STXBP6: variants seen among roughly 807,000 people sequenced by gnomAD.
The protein encoded by STXBP6 is syntaxin binding protein 6, also known as syntaxin-binding protein 6.
Under a neutral mutation model 26.9 loss-of-function variants are expected in STXBP6, and 21 were observed. That is an observed-to-expected ratio of 0.78 (90% CI 0.55 to 1.12). The LOEUF (loss-of-function observed/expected upper bound fraction) is 1.12. STXBP6 is among the 50% of genes most tolerant of loss of function. STXBP6 has a pLI of 0.00. For missense variants in STXBP6, 232 were observed against 257.9 expected, an observed-to-expected ratio of 0.90 and a Z score of 0.69; for synonymous variants, 97 against 92.6, an observed-to-expected ratio of 1.05 and a Z score of -0.27.
intron 4 of STXBP6, among the ~76,000 whole-genome samples, chr14:24,828,857 AT>A (rs2068369036): frequency 6.6e-6 from 1 of 152,214 alleles, no homozygotes; most frequent in African/African-American, 2.4e-5. Context: ...CAAGAATGAC[AT>A]AGAGAATTAT....
At chr14:24,843,145 T>G (rs2068836775) in intron 4 of STXBP6, among the ~76,000 whole-genome samples, 1 of 152,180 alleles carries the variant, frequency 6.6e-6, no homozygotes, top group South Asian at 2.1e-4. Context: ...TGAGGCTCAG[T>G]TTCTTCGCCT....
At chr14:24,827,884 T>C (rs1320809662) in intron 4 of STXBP6, among the ~76,000 whole-genome samples, 2 of 152,200 alleles carry the variant, frequency 1.3e-5, no homozygotes, top group Non-Finnish European at 2.9e-5. Context: ...TGACAGATTA[T>C]AGAAAATCCT....
chr14:24,891,304 G>A (rs1038119574), intron 2 of STXBP6, among the ~76,000 whole-genome samples: 1 of 152,102 alleles, frequency 6.6e-6, no homozygotes, highest in Non-Finnish European at 1.5e-5. Flanking sequence ...AGTATATTGG[G>A]GGCTTGAGTC....
chr14:24,905,616 GA>G (rs2071360709), intron 2 of STXBP6, among the ~76,000 whole-genome samples: 1 of 152,162 alleles, frequency 6.6e-6, no homozygotes, highest in Non-Finnish European at 1.5e-5. Context: ...GCCAAAGGAG[GA>G]AGAGGACCAT....
intron 2 of STXBP6, among the ~76,000 whole-genome samples, chr14:24,901,697 C>T (rs2071217956): frequency 7.5e-6 from 1 of 132,458 alleles, no homozygotes; most frequent in Non-Finnish European, 1.7e-5. Context: ...GCTATACTAA[C>T]ACATGAAACA....
intron 2 of STXBP6, among the ~76,000 whole-genome samples, chr14:24,950,831 T>C (rs1006061115): frequency 2.6e-5 from 4 of 152,116 alleles, no homozygotes; most frequent in South Asian, 2.1e-4. Flanking sequence ...CCATGGTGGT[T>C]TGCTGCACCC....
At position 24,847,883 on chromosome 14, in the gene STXBP6, A is replaced by G. The variant is rs142673963; in HGVS notation, c.451+8053T>C. Among the ~76,000 whole-genome samples, 99 of 152,264 alleles carry G rather than the reference A, an allele frequency of 6.5e-4. 1 individual carries two copies. The highest frequency in any genetic ancestry group is 1.3e-3 in the Non-Finnish European group (88 of 67,996). Reference sequence around the variant, plus strand: ...TGGTTAAGTCAGCAGTAACATGTGCACTCTATAAATGTCAAACATAAAATG... The same window carrying G: ...TGGTTAAGTCAGCAGTAACATGTGCGCTCTATAAATGTCAAACATAAAATG... On this transcript the variant is annotated intron_variant, in intron 4 of 5. Transcript: ENST00000323944.
chr14:24,953,234 C>T (rs1359978883), intron 2 of STXBP6, among the ~76,000 whole-genome samples: 1 of 152,162 alleles, frequency 6.6e-6, no homozygotes, highest in African/African-American at 2.4e-5. Context: ...TATAAAGACA[C>T]ATGTGATGGC....
At chr14:25,000,330 T>C (rs1467779049) in intron 1 of STXBP6, among the ~76,000 whole-genome samples, 3 of 151,596 alleles carry the variant, frequency 2.0e-5, no homozygotes, top group African/African-American at 7.3e-5. Flanking sequence ...CCCAAAATGC[T>C]GGGATTACAG....
At chr14:25,016,383 T>C (rs924770426) in intron 1 of STXBP6, among the ~76,000 whole-genome samples, 1 of 152,148 alleles carries the variant, frequency 6.6e-6, no homozygotes, top group Non-Finnish European at 1.5e-5. Flanking sequence ...TCAGAAATGG[T>C]ACCAGAGCCC....
At chr14:25,016,365 T>C (rs1344559674) in intron 1 of STXBP6, among the ~76,000 whole-genome samples, 2 of 152,182 alleles carry the variant, frequency 1.3e-5, no homozygotes, top group African/African-American at 4.8e-5. Flanking sequence ...CTCTTTACTT[T>C]GTGCTAATCA....
intron 2 of STXBP6, among the ~76,000 whole-genome samples, chr14:24,958,585 T>C (rs1003393974): frequency 1.2e-4 from 18 of 152,232 alleles, no homozygotes; most frequent in Middle Eastern, 3.2e-3. Context: ...GAGAATTTTA[T>C]CTGGAAGGCT....
chr14:24,884,303 G>A (rs747447707), intron 2 of STXBP6, among the ~76,000 whole-genome samples: 5 of 152,152 alleles, frequency 3.3e-5, no homozygotes, highest in Non-Finnish European at 7.4e-5. Context: ...AAGAGTTTTG[G>A]TTAAAATGAC....
Position 24,817,807 on chromosome 14 carries a change from C to T in STXBP6, c.609+1230G>A, listed in dbSNP as rs1019683812. ...TGTCTGCATTTTCAGATAGATCTAG[C>T]CAATTCTCCTTGAAGGAACTCGAAA... On this transcript the variant is annotated intron_variant, in intron 5 of 5. Coordinates refer to ENST00000323944, the MANE Select transcript of STXBP6 (RefSeq NM_001394410.1). 4.0e-5 allele frequency: 13 copies of T among 326,602 alleles called. 1 individual carries two copies. Among genetic ancestry groups the T allele is most frequent in the South Asian group, 3.0e-4 (12 of 39,676 alleles). The allele number at this position is 326,602 out of a possible 1,614,324, so 20.2% of individuals were successfully genotyped here.
intron 2 of STXBP6, among the ~76,000 whole-genome samples, chr14:24,948,834 T>A (rs2073075233): frequency 1.3e-5 from 2 of 152,342 alleles, no homozygotes; most frequent in African/African-American, 4.8e-5. Flanking sequence ...ACACAATTAG[T>A]GTGACTGATT....
intron 4 of STXBP6, among the ~76,000 whole-genome samples, chr14:24,844,552 C>T (rs1297355932): frequency 2.6e-5 from 4 of 152,100 alleles, no homozygotes; most frequent in African/African-American, 9.7e-5. Context: ...GTAGGGCACC[C>T]AATTGATGCT....
intron 2 of STXBP6, among the ~76,000 whole-genome samples, chr14:24,888,721 C>CAAAAAA (rs11292253): frequency 5.3e-5 from 5 of 95,184 alleles, no homozygotes; most frequent in African/African-American, 1.4e-4. Flanking sequence ...GACTCCGTCT[C>CAAAAAA]AAAAAAAAAA....
chr14:25,041,764 G>A (rs1316180426), intron 1 of STXBP6, among the ~76,000 whole-genome samples: 1 of 152,234 alleles, frequency 6.6e-6, no homozygotes, highest in Non-Finnish European at 1.5e-5. Context: ...GTGAAGCCTA[G>A]TGTATTAGGC....
At chr14:24,819,250 A>G (rs2068071191) in intron 4 of STXBP6, 56 bp from the exon 5 acceptor site, 2 of 1,605,154 alleles carry the variant, frequency 1.2e-6, no homozygotes, top group Non-Finnish European at 1.7e-6. Context: ...CACAGTGACC[A>G]GACTCCGGCA....
Sources: allele counts gnomAD v4.1 joint callset (sites outside exome capture counted in the v4.1 genomes callset), GRCh38; gene constraint gnomAD v4.1.1; transcripts MANE v1.5; gene names NCBI Gene and HGNC (gene_info 2026-07-23, HGNC 2026-07-21).